Variants in NTRK3 observed in about 807,000 individuals in gnomAD.
The protein encoded by NTRK3 is NT-3 growth factor receptor.
In NTRK3, 24 loss-of-function variants were observed where a neutral mutation model predicts 91.7. The ratio of observed to expected loss-of-function variants is 0.26; its 90% CI spans 0.19 to 0.37. NTRK3 has a LOEUF of 0.37. Ranked by LOEUF, NTRK3 falls within the 10% of genes least tolerant of loss-of-function variation. The pLI is 1.00. For missense variants in NTRK3, 880 were observed against 1,068.9 expected (o/e 0.82, Z 2.46); for synonymous variants, 483 against 404.0 (o/e 1.20, Z -2.34).
chr15:88,157,241 A>G (rs1030314495), intron 5 of NTRK3, among the ~76,000 whole-genome samples: 1 of 151,980 alleles, frequency 6.6e-6, no homozygotes, highest in Non-Finnish European at 1.5e-5. Flanking sequence ...ACACACACAC[A>G]CCACACTACA....
At chr15:87,877,918 A>C (rs1285438260) in intron 18 of NTRK3, among the ~76,000 whole-genome samples, 1 of 152,178 alleles carries the variant, frequency 6.6e-6, no homozygotes, top group Non-Finnish European at 1.5e-5. Flanking sequence ...CAACATACTG[A>C]AGGAGAAGCC....
chr15:87,861,703 G>A, exon 19 of NTRK3: 1 of 194,876 alleles, frequency 5.1e-6, no homozygotes, highest in Admixed American at 6.1e-5. Flanking sequence ...TAAGAACCCA[G>A]AAGTAGCACT....
intron 17 of NTRK3, chr15:87,926,802 G>A (rs943102100): frequency 6.6e-6 from 1 of 152,222 alleles, no homozygotes. Context: ...AGTGAAGTCA[G>A]TAGTTATCAG....
At chr15:88,163,453 C>T (rs1183743006) in intron 5 of NTRK3, among the ~76,000 whole-genome samples, 1 of 152,212 alleles carries the variant, frequency 6.6e-6, no homozygotes, top group African/African-American at 2.4e-5. Context: ...GTTTTCCCCA[C>T]TCACATGCTC....
At chr15:88,067,186 C>T (rs747290026) in intron 13 of NTRK3, among the ~76,000 whole-genome samples, 12 of 152,152 alleles carry the variant, frequency 7.9e-5, no homozygotes, top group Non-Finnish European at 1.3e-4. Context: ...GGGCTCAGTC[C>T]CATTCAGCAC....
At chr15:87,949,584 G>C (rs1254302367) in intron 14 of NTRK3, among the ~76,000 whole-genome samples, 2 of 152,172 alleles carry the variant, frequency 1.3e-5, no homozygotes, top group Non-Finnish European at 2.9e-5. Context: ...GACACAAGAA[G>C]TTCAGAAGCT....
At chr15:87,975,252 T>C (rs187691710) in intron 14 of NTRK3, among the ~76,000 whole-genome samples, 4 of 152,218 alleles carry the variant, frequency 2.6e-5, no homozygotes, top group Non-Finnish European at 5.9e-5. Context: ...TGGAATGTGT[T>C]AGATCGAATT....
At chr15:87,911,554 C>G (rs145399226) in intron 17 of NTRK3, among the ~76,000 whole-genome samples, 407 of 152,310 alleles carry the variant, frequency 2.7e-3, no homozygotes, top group Non-Finnish European at 3.9e-3. Flanking sequence ...CAGCACTGTG[C>G]TTCACCACCC....
chr15:87,875,555 T>C, exon 19 of NTRK3: 2 of 231,836 alleles, frequency 8.6e-6, no homozygotes, highest in Non-Finnish European at 8.5e-6. Flanking sequence ...CCTCAGCCCT[T>C]CCCCCTACCC....
chr15:88,041,188 A>C (rs547917534), intron 13 of NTRK3, among the ~76,000 whole-genome samples: 50 of 152,324 alleles, frequency 3.3e-4, no homozygotes, highest in African/African-American at 1.1e-3. Flanking sequence ...AAATATTTTC[A>C]GGGTTGGACC....
chr15:88,024,043 C>A (rs1567242642), intron 14 of NTRK3, among the ~76,000 whole-genome samples: 3 of 152,336 alleles, frequency 2.0e-5, no homozygotes, highest in East Asian at 3.9e-4. Flanking sequence ...AAATCTATAT[C>A]ACGCTGATGC....
exon 19 of NTRK3, chr15:87,865,871 C>T: frequency 4.4e-6 from 1 of 229,078 alleles, no homozygotes; most frequent in East Asian, 6.2e-5. Flanking sequence ...TCACTAGATA[C>T]TCAAAGCAAA....
intron 3 of NTRK3, among the ~76,000 whole-genome samples, chr15:88,215,983 A>G (rs992250258): frequency 6.6e-6 from 1 of 152,168 alleles, no homozygotes; most frequent in Non-Finnish European, 1.5e-5. Flanking sequence ...TTTAAACTCT[A>G]TCCTATGCTG....
At chr15:88,250,281 T>C (rs1019693471) in intron 3 of NTRK3, among the ~76,000 whole-genome samples, 1 of 152,238 alleles carries the variant, frequency 6.6e-6, no homozygotes, top group African/African-American at 2.4e-5. Context: ...CTTTTCCATT[T>C]GTGAGCTATG....
chr15:87,870,317 G>C (rs1228528728), exon 19 of NTRK3: 1 of 191,804 alleles, frequency 5.2e-6, no homozygotes, highest in African/African-American at 2.3e-5. Flanking sequence ...ACTATTCTAA[G>C]TGAAGCAATT....
At chr15:88,178,932 G>GA (rs1023880783) in intron 5 of NTRK3, among the ~76,000 whole-genome samples, 1 of 152,142 alleles carries the variant, frequency 6.6e-6, no homozygotes, top group African/African-American at 2.4e-5. Flanking sequence ...AAACCAGAGA[G>GA]AAAAAACGCT....
chr15:87,999,017 C>A (rs1373186358), intron 14 of NTRK3, among the ~76,000 whole-genome samples: 1 of 152,064 alleles, frequency 6.6e-6, no homozygotes, highest in South Asian at 2.1e-4. Flanking sequence ...CCCAAAGGAT[C>A]CCCATTTCCA....
At chr15:88,132,502 G>A (rs554109751) in intron 10 of NTRK3, among the ~76,000 whole-genome samples, 4 of 152,302 alleles carry the variant, frequency 2.6e-5, no homozygotes, top group Admixed American at 1.3e-4. Context: ...TATCTGGGAG[G>A]GGCCACAGAT....
chr15:88,147,501 T>C, intron 5 of NTRK3, 98 bp from the exon 6 acceptor site: 2 of 974,000 alleles, frequency 2.1e-6, no homozygotes, highest in East Asian at 5.1e-5. Flanking sequence ...CCTGGCTTTG[T>C]TTTCCTTCTT....
Sources: gnomAD v4.1 joint callset for allele counts (sites outside exome capture counted in the v4.1 genomes callset) on GRCh38, gnomAD v4.1.1 for gene constraint, MANE v1.5 for transcripts, NCBI Gene and HGNC (gene_info 2026-07-23, HGNC 2026-07-21) for gene names.